ROBO2: variants seen among roughly 807,000 people sequenced by gnomAD.
The protein encoded by ROBO2 is roundabout homolog 2.
A neutral mutation model predicts 160.8 loss-of-function variants in ROBO2; 53 were observed. The ratio of observed to expected loss-of-function variants is 0.33; its 90% CI spans 0.26 to 0.41. The LOEUF is 0.41. ROBO2 is among the 10% of genes least tolerant of loss of function. ROBO2 has a pLI of 1.00. For synonymous variants in ROBO2, 664 were observed against 611.7 expected, an observed-to-expected ratio of 1.09 and a Z score of -1.26; for missense variants, 1,577 against 1,722.4, an observed-to-expected ratio of 0.92 and a Z score of 1.49.
At chr3:76,094,338 C>T (rs1398462860) in intron 2 of ROBO2, among the ~76,000 whole-genome samples, 2 of 152,298 alleles carry the variant, frequency 1.3e-5, no homozygotes, top group Admixed American at 1.3e-4. Flanking sequence ...GCAGGCAGCC[C>T]TCACTAATTT....
At chr3:77,022,379 A>C (rs1370112004) in intron 2 of ROBO2, among the ~76,000 whole-genome samples, 1 of 152,200 alleles carries the variant, frequency 6.6e-6, no homozygotes. Context: ...CAAAACAAGC[A>C]AACAAACAAG....
At chr3:76,060,666 A>C (rs1175215265) in intron 2 of ROBO2, among the ~76,000 whole-genome samples, 5 of 152,182 alleles carry the variant, frequency 3.3e-5, no homozygotes, top group African/African-American at 1.2e-4. Flanking sequence ...TCCCTTTACA[A>C]CTGTAAATAA....
At chr3:77,423,517 A>G (rs1323807957) in intron 2 of ROBO2, among the ~76,000 whole-genome samples, 9 of 152,184 alleles carry the variant, frequency 5.9e-5, no homozygotes, top group Non-Finnish European at 1.5e-5. Flanking sequence ...TTGTATTATA[A>G]TTTTACATAA....
At chr3:77,494,348 A>C (rs569232324) in intron 5 of ROBO2, among the ~76,000 whole-genome samples, 1 of 152,124 alleles carries the variant, frequency 6.6e-6, no homozygotes, top group African/African-American at 2.4e-5. Context: ...AGGCCGAGGC[A>C]GGTGGATCAT....
At chr3:77,375,198 C>A (rs1476363124) in intron 2 of ROBO2, among the ~76,000 whole-genome samples, 2 of 152,234 alleles carry the variant, frequency 1.3e-5, no homozygotes, top group African/African-American at 4.8e-5. Flanking sequence ...GGAAACAGAG[C>A]AAGACCTTGT....
Position 76,177,548 on chromosome 3 carries a change from G to C in ROBO2, c.109+239946G>C, listed in dbSNP as rs558014952. The stretch of plus-strand genomic sequence containing the variant: ...AGAAAATACGAGGCTTGATCATCCT[G>C]CTGGGTCATCTGGTGGGATTTTTGC... On this transcript the variant is annotated intron_variant, in intron 2 of 26. Coordinates refer to the ROBO2 transcript ENST00000487694. Among the ~76,000 whole-genome samples, 5 of 152,256 alleles carry C rather than the reference G, an allele frequency of 3.3e-5. No individual in the cohort carries two copies. The East Asian group carries it at 9.6e-4, about 29-fold the overall frequency.
At chr3:76,161,166 C>A (rs2072619678) in intron 2 of ROBO2, among the ~76,000 whole-genome samples, 1 of 151,494 alleles carries the variant, frequency 6.6e-6, no homozygotes, top group South Asian at 2.1e-4. Context: ...TAATCAAGAC[C>A]ACTTAGTTAA....
At chr3:77,229,597 G>C (rs535879454) in intron 2 of ROBO2, among the ~76,000 whole-genome samples, 1 of 151,692 alleles carries the variant, frequency 6.6e-6, no homozygotes, top group Admixed American at 6.6e-5. Flanking sequence ...GGAGGTAGAG[G>C]TTGCAGTGAG....
intron 2 of ROBO2, among the ~76,000 whole-genome samples, chr3:77,130,606 G>A (rs183427505): frequency 3.9e-5 from 6 of 152,204 alleles, no homozygotes; most frequent in Admixed American, 2.6e-4. Flanking sequence ...CCTCACATAC[G>A]TGTCTTGTTT....
At chr3:77,334,320 A>T (rs1398314549) in intron 2 of ROBO2, among the ~76,000 whole-genome samples, 3 of 152,216 alleles carry the variant, frequency 2.0e-5, no homozygotes, top group Non-Finnish European at 4.4e-5. Flanking sequence ...ATAAAGCTGA[A>T]TATCATCTTC....
At chr3:76,472,525 A>G (rs1417783276) in intron 2 of ROBO2, among the ~76,000 whole-genome samples, 1 of 152,142 alleles carries the variant, frequency 6.6e-6, no homozygotes, top group African/African-American at 2.4e-5. Context: ...TTCTCCAGCC[A>G]CGACATTGAT....
At chr3:76,964,298 G>A (rs1577891963) in intron 2 of ROBO2, among the ~76,000 whole-genome samples, 1 of 151,934 alleles carries the variant, frequency 6.6e-6, no homozygotes, top group South Asian at 2.1e-4. Context: ...CACCTTTTGG[G>A]TATCATCTAG....
chr3:76,272,960 ATTT>A (rs1559706640), intron 2 of ROBO2, among the ~76,000 whole-genome samples: 1 of 52,270 alleles, frequency 1.9e-5, no homozygotes, highest in Non-Finnish European at 3.4e-5. Flanking sequence ...TATAATATAT[ATTT>A]ATATATAAAA....
intron 2 of ROBO2, among the ~76,000 whole-genome samples, chr3:77,327,982 C>T (rs759090834): frequency 1.2e-4 from 17 of 143,952 alleles, no homozygotes; most frequent in Non-Finnish European, 1.8e-4. Flanking sequence ...ACCTGGGAGA[C>T]GGAGACAGAG....
At position 76,256,377 on chromosome 3, in the gene ROBO2, C is replaced by CACAT. The variant is rs35789928; in HGVS notation, c.109+318775_109+318776insACAT. Among the ~76,000 whole-genome samples, 744 of 149,264 alleles carry CACAT rather than the reference C, an allele frequency of 5.0e-3. 6 individuals carry two copies. The highest frequency in any genetic ancestry group is 0.01 in the Middle Eastern group (3 of 286). Reference sequence around the variant, plus strand: ...TCACATACACACACACACACACACACGCAAGGTATGGTTGAGTTCTCTAAG... The same window carrying CACAT: ...TCACATACACACACACACACACACACACATGCAAGGTATGGTTGAGTTCTCTAAG... On this transcript the variant is annotated intron_variant, in intron 2 of 26. Coordinates refer to the ROBO2 transcript ENST00000487694.
intron 1 of ROBO2, among the ~76,000 whole-genome samples, chr3:77,043,523 TAA>T (rs1387452350): frequency 1.3e-5 from 2 of 152,176 alleles, no homozygotes; most frequent in African/African-American, 4.8e-5. Flanking sequence ...GAGCAAATAT[TAA>T]GTTAGTTGAG....
At chr3:76,931,481 C>G (rs546680165) in intron 2 of ROBO2, among the ~76,000 whole-genome samples, 1 of 151,674 alleles carries the variant, frequency 6.6e-6, no homozygotes, top group Admixed American at 6.6e-5. Flanking sequence ...TATGATCTTA[C>G]ATATTTAATT....
At chr3:75,977,846 C>T (rs1173440235) in intron 2 of ROBO2, among the ~76,000 whole-genome samples, 3 of 151,442 alleles carry the variant, frequency 2.0e-5, no homozygotes, top group Admixed American at 6.6e-5. Flanking sequence ...AAAAATGAGA[C>T]ATTCTTGTAT....
At position 76,550,920 on chromosome 3, in the gene ROBO2, T is replaced by G. The variant is rs900315799; in HGVS notation, c.110-547094T>G. Among the ~76,000 whole-genome samples, 3 of 152,076 alleles carry G rather than the reference T, an allele frequency of 2.0e-5. No homozygotes were observed. In the East Asian group the frequency reaches 5.8e-4, roughly 29 times the overall value. On this transcript the variant is annotated intron_variant, in intron 2 of 26. Transcript: ENST00000487694. Reference sequence around the variant, plus strand: ...GCAGGCCTGCAGGCAACCCTTAGTGTGAACAGCCTGGGTGCTGTGGATGGC... The same window carrying G: ...GCAGGCCTGCAGGCAACCCTTAGTGGGAACAGCCTGGGTGCTGTGGATGGC...
Sources: allele counts gnomAD v4.1 joint callset (sites outside exome capture counted in the v4.1 genomes callset), GRCh38; gene constraint gnomAD v4.1.1; transcripts MANE v1.5; gene names NCBI Gene and HGNC (gene_info 2026-07-23, HGNC 2026-07-21).